IRAK2: variants seen among roughly 807,000 people sequenced by gnomAD.
IRAK2 encodes the protein interleukin 1 receptor associated kinase 2.
IRAK2 carries 57 observed loss-of-function variants against 72.0 expected under a neutral mutation model. That is an observed-to-expected ratio of 0.79 (90% confidence interval 0.64 to 0.99). IRAK2 has a LOEUF of 0.99. Among genes scored for constraint, IRAK2 ranks in the 50% least tolerant of loss-of-function variants. The probability of loss-of-function intolerance (pLI) is 0.00; values close to 1 mark genes in which losing one functional copy is unlikely to be tolerated. For synonymous variants in IRAK2, 293 were observed against 312.7 expected, an observed-to-expected ratio of 0.94 and a Z score of 0.67; for missense variants, 790 against 794.4, an observed-to-expected ratio of 0.99 and a Z score of 0.07.
At chr3:10,183,061 C>A (rs76525672) in intron 2 of IRAK2, among the ~76,000 whole-genome samples, 1 of 152,110 alleles carries the variant, frequency 6.6e-6, no homozygotes, top group Non-Finnish European at 1.5e-5. Flanking sequence ...CGTGAGCCAC[C>A]GCGCCTGGCT....
chr3:10,193,007 C>T (rs139933044), intron 2 of IRAK2, among the ~76,000 whole-genome samples: 362 of 152,170 alleles, frequency 2.4e-3, no homozygotes, highest in Middle Eastern at 0.021. Flanking sequence ...TCTCATTTGT[C>T]GGATGAGGAA....
chr3:10,193,844 C>A (rs988289252), intron 2 of IRAK2, among the ~76,000 whole-genome samples: 1 of 152,262 alleles, frequency 6.6e-6, no homozygotes, highest in Non-Finnish European at 1.5e-5. Flanking sequence ...TCCCCTGCTG[C>A]TGGGCTCCTA....
At chr3:10,205,344 C>T (rs997671416) in intron 3 of IRAK2, among the ~76,000 whole-genome samples, 1 of 152,088 alleles carries the variant, frequency 6.6e-6, no homozygotes, top group African/African-American at 2.4e-5. Context: ...GCTGGTGGGT[C>T]CTGTCTGATT....
intron 1 of IRAK2, among the ~76,000 whole-genome samples, chr3:10,167,485 G>C (rs1277316021): frequency 2.6e-5 from 4 of 151,892 alleles, no homozygotes; most frequent in Admixed American, 6.6e-5. Context: ...CGCAATCTCG[G>C]CTCACTGCAA....
At chr3:10,176,065 G>GTT (rs58627914) in intron 1 of IRAK2, among the ~76,000 whole-genome samples, 114 of 77,376 alleles carry the variant, frequency 1.5e-3, no homozygotes, top group South Asian at 4.6e-3. Flanking sequence ...TATTGTCCAT[G>GTT]TTTTTTTTTT....
intron 2 of IRAK2, among the ~76,000 whole-genome samples, chr3:10,184,753 G>A (rs1401536787): frequency 6.6e-5 from 8 of 121,590 alleles, no homozygotes; most frequent in Non-Finnish European, 1.3e-4. Context: ...TTTTTGAGAC[G>A]GAGCCTTGCT....
chr3:10,228,479 T>C (rs539546522), intron 10 of IRAK2, among the ~76,000 whole-genome samples: 1 of 152,286 alleles, frequency 6.6e-6, no homozygotes, highest in African/African-American at 2.4e-5. Flanking sequence ...TTTCTTGAGA[T>C]GGATTTCCCA....
chr3:10,208,451 T>C (rs1697464460), intron 3 of IRAK2, among the ~76,000 whole-genome samples: 2 of 137,582 alleles, frequency 1.5e-5, no homozygotes. Flanking sequence ...TACACCACCA[T>C]ACCTGGCTAT....
Position 10,199,884 on chromosome 3 carries a change from C to CTTTTT in IRAK2, c.278-468_278-464dup, listed in dbSNP as rs145377518. On this transcript the variant is annotated intron_variant, in intron 2 of 12. Transcript: ENST00000256458. ...AGGACTGCCATGTTCAGCCACTGCT[C>CTTTTT]TTTTTTTTTTTTTTTTTTTTTGAGA... is the stretch of plus-strand genomic sequence containing the variant. 8.1e-5 allele frequency among the ~76,000 whole-genome samples: 10 copies of CTTTTT among 124,104 alleles called. 1 individual carries two copies. The highest frequency in any genetic ancestry group is 3.1e-4 in the African/African-American group (9 of 29,234). The allele number at this position is 124,104 out of a possible 152,430, so 81.4% of individuals were successfully genotyped here.
intron 10 of IRAK2, among the ~76,000 whole-genome samples, chr3:10,232,262 T>G (rs1697873425): frequency 6.6e-6 from 1 of 152,264 alleles, no homozygotes; most frequent in Admixed American, 6.5e-5. Context: ...ATTCTGGGTT[T>G]TGCTCATTAC....
chr3:10,166,148 T>C (rs143923272), intron 1 of IRAK2, among the ~76,000 whole-genome samples: 99 of 152,332 alleles, frequency 6.5e-4, no homozygotes, highest in Non-Finnish European at 1.1e-3. Flanking sequence ...TACTTTACCA[T>C]TATAGTTTTA....
intron 1 of IRAK2, among the ~76,000 whole-genome samples, chr3:10,177,183 C>A (rs1696890164): frequency 6.6e-6 from 1 of 152,132 alleles, no homozygotes; most frequent in African/African-American, 2.4e-5. Flanking sequence ...GCAATCCCTC[C>A]TTGGTCTCCT....
chr3:10,207,374 T>C (rs7645539), intron 3 of IRAK2, among the ~76,000 whole-genome samples: 11,896 of 152,236 alleles, frequency 0.078, 1,022 homozygotes, highest in African/African-American at 0.22. Flanking sequence ...CCAGTTTCCT[T>C]TGGAAGGGTC....
intron 1 of IRAK2, among the ~76,000 whole-genome samples, chr3:10,171,216 T>G (rs1696789496): frequency 6.6e-6 from 1 of 152,168 alleles, no homozygotes; most frequent in Non-Finnish European, 1.5e-5. Flanking sequence ...CTCTTCTGTG[T>G]GTGGCCGTTC....
chr3:10,213,557 C>T lies in IRAK2; in HGVS notation c.788+9C>T. On this transcript the variant is annotated intron_variant, in intron 6 of 12. Coordinates refer to ENST00000256458, the MANE Select transcript of IRAK2 (RefSeq NM_001570.4). ...TTGCAGATTTGTCTTAGGTAAGCCTCCCCTTTGTTTAGTAATAATGATAGC... is the reference window on the plus strand; with the variant it reads ...TTGCAGATTTGTCTTAGGTAAGCCTTCCCTTTGTTTAGTAATAATGATAGC... 1 of 1,609,662 alleles carries T rather than the reference C, an allele frequency of 6.2e-7. No homozygotes were observed. Among genetic ancestry groups the T allele is most frequent in the Non-Finnish European group, 8.5e-7 (1 of 1,175,954 alleles).
At chr3:10,197,177 A>G (rs1697281933) in intron 2 of IRAK2, among the ~76,000 whole-genome samples, 1 of 151,860 alleles carries the variant, frequency 6.6e-6, no homozygotes, top group Non-Finnish European at 1.5e-5. Context: ...CAGGAGTTCA[A>G]GACCAGCCTG....
At chr3:10,200,624 C>G in intron 3 of IRAK2, 109 bp downstream of exon 3, 5 of 871,890 alleles carry the variant, frequency 5.7e-6, no homozygotes, top group Non-Finnish European at 8.3e-6. Flanking sequence ...TGAGGCTGAG[C>G]ATGGTGGCCC....
intron 4 of IRAK2, among the ~76,000 whole-genome samples, chr3:10,212,854 T>G (rs537764187): frequency 2.1e-5 from 3 of 145,684 alleles, no homozygotes; most frequent in African/African-American, 7.7e-5. Flanking sequence ...AAGCTCCGCC[T>G]CCTGGGTTCA....
Position 10,234,665 on chromosome 3 carries a change from C to T in IRAK2, c.1473+6C>T. 2 of 1,609,956 alleles carry T rather than the reference C, an allele frequency of 1.2e-6. No individual in the cohort carries two copies. Among genetic ancestry groups the T allele is most frequent in the Non-Finnish European group, 1.7e-6 (2 of 1,177,948 alleles). On this transcript the variant is annotated splice_donor_region_variant and intron_variant, in intron 11 of 12. Coordinates refer to ENST00000256458, the MANE Select transcript of IRAK2 (RefSeq NM_001570.4). ...GTAACACCAGCCTGCAGGAGGTGAGCCTCGCCCGCAGCGGCCTCGCTGCCT... is the reference window on the plus strand; with the variant it reads ...GTAACACCAGCCTGCAGGAGGTGAGTCTCGCCCGCAGCGGCCTCGCTGCCT...
Sources: gnomAD v4.1 joint callset for allele counts (sites outside exome capture counted in the v4.1 genomes callset) on GRCh38, gnomAD v4.1.1 for gene constraint, MANE v1.5 for transcripts, NCBI Gene and HGNC (gene_info 2026-07-23, HGNC 2026-07-21) for gene names.